IL16: variants seen among roughly 807,000 people sequenced by gnomAD.
IL16 encodes the protein pro-interleukin-16.
Under a neutral mutation model 110.1 loss-of-function variants are expected in IL16, and 67 were observed. The ratio of observed to expected loss-of-function variants is 0.61; its 90% CI spans 0.50 to 0.75. The LOEUF is 0.75. Among genes scored for constraint, IL16 ranks in the 30% least tolerant of loss-of-function variants. IL16 has a pLI of 0.00. For synonymous variants in IL16, 689 were observed against 662.9 expected (o/e 1.04, Z -0.61); for missense variants, 1,545 against 1,655.0 (o/e 0.93, Z 1.15).
rs1302108297 is a variant in IL16, at chr15:81,309,353, T to TTA, written c.*558_*559dup. 1.3e-5 allele frequency: 2 copies of TTA among 152,604 alleles called. No homozygotes were observed. Among genetic ancestry groups the TTA allele is most frequent in the Non-Finnish European group, 2.9e-5 (2 of 68,312 alleles). 9.5% of individuals were successfully genotyped at this position (152,604 alleles called of 1,614,324 possible). On this transcript the variant is annotated 3_prime_UTR_variant, in exon 19 of 19. Coordinates refer to ENST00000683961, the MANE Select transcript of IL16 (RefSeq NM_172217.5). Reference sequence around the variant, plus strand: ...CACCTGGGGCTGCTGGCCTGAATGCTTATAGGTGGCCTCTCCTTGTGGCCT... The same window carrying TTA: ...CACCTGGGGCTGCTGGCCTGAATGCTTATATAGGTGGCCTCTCCTTGTGGCCT...
chr15:81,238,196 C>G (rs539244666), intron 2 of IL16, among the ~76,000 whole-genome samples: 1 of 152,334 alleles, frequency 6.6e-6, no homozygotes, highest in East Asian at 1.9e-4. Flanking sequence ...GCCACTGCGC[C>G]CGGCCTAGTC....
intron 6 of IL16, among the ~76,000 whole-genome samples, chr15:81,273,473 T>C (rs1308619731): frequency 6.6e-6 from 1 of 152,156 alleles, no homozygotes; most frequent in Non-Finnish European, 1.5e-5. Context: ...TGGGTGGGAC[T>C]GAAGTCTGAG....
chr15:81,210,053 G>T (rs1161614794), intron 1 of IL16, among the ~76,000 whole-genome samples: 3 of 152,176 alleles, frequency 2.0e-5, no homozygotes, highest in Non-Finnish European at 4.4e-5. Flanking sequence ...TATGGTGAAA[G>T]GTAAGGTTCT....
chr15:81,303,710 A>C lies in IL16; in HGVS notation c.3420+60A>C. On this transcript the variant is annotated intron_variant, in intron 16 of 18. Coordinates refer to ENST00000683961, the MANE Select transcript of IL16 (RefSeq NM_172217.5). The surrounding 1 kb of genome is among the most constrained non-coding windows in gnomAD (Gnocchi z 4.1). ...GAGGCAATGGTTCTGGGGGAGGGGGACACACTTGCCAGGAAGGGGCCCTGT... is the reference window on the plus strand; with the variant it reads ...GAGGCAATGGTTCTGGGGGAGGGGGCCACACTTGCCAGGAAGGGGCCCTGT... 1 of 1,146,956 alleles carries C rather than the reference A, an allele frequency of 8.7e-7. No homozygotes were observed. The highest frequency in any genetic ancestry group is 1.2e-5 in the South Asian group (1 of 80,602). 71.0% of individuals were successfully genotyped at this position (1,146,956 alleles called of 1,614,324 possible).
chr15:81,212,351 T>C (rs1896279778), intron 1 of IL16, among the ~76,000 whole-genome samples: 1 of 152,188 alleles, frequency 6.6e-6, no homozygotes, highest in African/African-American at 2.4e-5. Flanking sequence ...TAATACCATC[T>C]TTATTTACTT....
At chr15:81,190,066 A>G (rs1362355611) in intron 1 of IL16, among the ~76,000 whole-genome samples, 1 of 152,190 alleles carries the variant, frequency 6.6e-6, no homozygotes, top group Non-Finnish European at 1.5e-5. Flanking sequence ...TGGCCAGGGC[A>G]TCTCGGACAT....
chr15:81,271,029 C>T (rs1247538387), intron 5 of IL16, among the ~76,000 whole-genome samples: 2 of 152,060 alleles, frequency 1.3e-5, no homozygotes, highest in African/African-American at 4.8e-5. Flanking sequence ...GAGTCAAAAG[C>T]AAATCACACA....
intron 18 of IL16, chr15:81,306,759 T>C: frequency 1.6e-6 from 1 of 611,286 alleles, no homozygotes; most frequent in Non-Finnish European, 2.9e-6. Context: ...TTTTGATGGG[T>C]CTTCAAAAAT....
chr15:81,300,370 C>T lies in IL16; in HGVS notation c.3044C>T (p.Pro1015Leu), dbSNP rs201321530. The T allele has an allele frequency of 4.3e-6, 7 of 1,614,174 alleles. No individual in the cohort carries two copies. The Admixed American group carries it at 8.3e-5, about 19-fold the overall frequency. Residue 1015 changes from proline to leucine, a missense_variant, in exon 14 of 19, where the codon CCC becomes CTC. This residue lies in a region of IL16 where 356 missense variants were observed against 399.3 expected (regional missense o/e 0.89). Coordinates refer to ENST00000683961, the MANE Select transcript of IL16 (RefSeq NM_172217.5). ...LPSSISCAQT[P>L]CIPKEGASPT... ...TCTTCTATCTCCTGTGCCCAGACTC[C>T]CTGCATCCCCAAGGAAGGGGCATCT...
At chr15:81,187,450 C>T (rs1206710633) in intron 1 of IL16, among the ~76,000 whole-genome samples, 1 of 152,096 alleles carries the variant, frequency 6.6e-6, no homozygotes, top group African/African-American at 2.4e-5. Context: ...TAAAAATTTG[C>T]TGGGTGTGAC....
chr15:81,197,205 G>A (rs1282466361), intron 1 of IL16, 53 bp downstream of exon 1: 1 of 1,207,728 alleles, frequency 8.3e-7, no homozygotes, highest in Non-Finnish European at 1.1e-6. Context: ...GTTACCGGAG[G>A]GAGGAAGCTG....
Position 81,269,622 on chromosome 15 carries a change from A to T in IL16, c.649A>T (p.Ile217Phe), listed in dbSNP as rs772036120. 1.2e-6 allele frequency: 2 copies of T among 1,613,582 alleles called. No individual in the cohort carries two copies. Among genetic ancestry groups the T allele is most frequent in the Non-Finnish European group, 1.7e-6 (2 of 1,179,576 alleles). Reference sequence around the variant, plus strand: ...CCTCCAGGCTTCAGTCATCTCCAACATCGTGCTGATGAAGGGCCAGGCTAA... The same window carrying T: ...CCTCCAGGCTTCAGTCATCTCCAACTTCGTGCTGATGAAGGGCCAGGCTAA... ...GGLQASVISNIVLMKGQAKGL... is the reference protein window; with the variant it reads ...GGLQASVISNFVLMKGQAKGL... The change falls in exon 5 of 19, where the codon ATC becomes TTC. Residue 217 changes from isoleucine (I) to phenylalanine (F), a missense_variant. Physicochemically the swap from Ile to Phe is conservative, Grantham distance 21 (BLOSUM62 0). This residue lies in a region of IL16 where 1,185 missense variants were observed against 1,238.8 expected (regional missense o/e 0.96). Transcript: ENST00000683961.
At chr15:81,264,814 T>C (rs964583952) in intron 3 of IL16, among the ~76,000 whole-genome samples, 2 of 152,238 alleles carry the variant, frequency 1.3e-5, no homozygotes, top group Non-Finnish European at 2.9e-5. Context: ...AATATCTCAC[T>C]AATAATTTTA....
chr15:81,197,031 G>A lies in IL16; in HGVS notation c.-223G>A. 1 of 1,288,472 alleles carries A rather than the reference G, an allele frequency of 7.8e-7. No homozygotes were observed. The highest frequency in any genetic ancestry group is 1.0e-6 in the Non-Finnish European group (1 of 988,444). 79.8% of individuals were successfully genotyped at this position (1,288,472 alleles called of 1,614,324 possible). A position where few individuals can be genotyped will look rare whatever the true frequency, so the allele number is the denominator to read the frequency against. ...CTCAATCCTTGCCGGCTCTGACCCA[G>A]GCCTGGGCCACAGGCTGTCCGGGAA... On this transcript the variant is annotated 5_prime_UTR_variant, in exon 1 of 19. Coordinates refer to ENST00000683961, the MANE Select transcript of IL16 (RefSeq NM_172217.5).
At chr15:81,285,659 G>T in intron 9 of IL16, 39 bp from the exon 10 acceptor site, 1 of 1,610,196 alleles carries the variant, frequency 6.2e-7, no homozygotes, top group Non-Finnish European at 8.5e-7. Flanking sequence ...ATGTCTCATT[G>T]ATTCACTTAC....
At chr15:81,293,099 C>A in intron 12 of IL16, 62 bp downstream of exon 12, 5 of 1,516,614 alleles carry the variant, frequency 3.3e-6, no homozygotes, top group Middle Eastern at 2.1e-4. Context: ...TGAGCATGGG[C>A]AAATTAGCAA....
At chr15:81,288,301 A>G (rs1899543441) in intron 10 of IL16, among the ~76,000 whole-genome samples, 1 of 152,202 alleles carries the variant, frequency 6.6e-6, no homozygotes, top group African/African-American at 2.4e-5. Flanking sequence ...TCTAACCTCC[A>G]AGAGCCTCTG....
In IL16 at chr15:81,299,504, C is replaced by T; in HGVS notation, c.2178C>T (p.Ser726=). ...CTGACTGCATCAAAAACTTATTTAG[C>T]CCCATCATGAGTGAGAACCATGGCC... ...RISDCIKNLF[S]PIMSENHGHM... is the part of the protein sequence containing the mutation. The change falls in exon 14 of 19, where the codon AGC becomes AGT. Residue 726 remains serine, a synonymous_variant. Coordinates refer to ENST00000683961, the MANE Select transcript of IL16 (RefSeq NM_172217.5). 1 of 1,614,142 alleles carries T rather than the reference C, an allele frequency of 6.2e-7. No homozygotes were observed. The highest frequency in any genetic ancestry group is 1.7e-5 in the Admixed American group (1 of 60,026).
intron 1 of IL16, among the ~76,000 whole-genome samples, chr15:81,223,179 CAG>C (rs2142030062): frequency 6.6e-6 from 1 of 152,190 alleles, no homozygotes; most frequent in East Asian, 1.9e-4. Context: ...TTGTAAAAGG[CAG>C]ACCTGATACA....
Sources: gnomAD v4.1 joint callset for allele counts (sites outside exome capture counted in the v4.1 genomes callset) on GRCh38, gnomAD v4.1.1 for gene constraint, gnomAD v4.1.1 regional missense constraint, Gnocchi (gnomAD v3.1) non-coding constraint, MANE v1.5 for transcripts, NCBI Gene and HGNC (gene_info 2026-07-23, HGNC 2026-07-21) for gene names.